Variants in HPCAL1 observed in about 807,000 individuals in gnomAD.
HPCAL1 encodes the protein hippocalcin-like protein 1.
Under a neutral mutation model 17.1 loss-of-function variants are expected in HPCAL1, and 8 were observed. That is an observed-to-expected ratio of 0.47 (90% CI 0.27 to 0.84). The LOEUF is 0.84. HPCAL1 is among the 40% of genes least tolerant of loss of function. HPCAL1 has a pLI of 0.13. For missense variants in HPCAL1, 165 were observed against 271.1 expected, an observed-to-expected ratio of 0.61 and a Z score of 2.75; for synonymous variants, 112 against 111.4, an observed-to-expected ratio of 1.01 and a Z score of -0.03.
At position 10,363,948 on chromosome 2, in the gene HPCAL1, G is replaced by C. The variant is rs569190074; in HGVS notation, c.-110-32887G>C. The stretch of plus-strand genomic sequence containing the variant: ...ACTCAGCTGGTGCTCAGGGAGGCCT[G>C]ATGATTCGGGGCGCTTGGCCGGGTG... On this transcript the variant is annotated intron_variant, in intron 1 of 4. Transcript: ENST00000307845. This position sits in a 1 kb window ranked among gnomAD's most constrained non-coding sequence, Gnocchi z 4.7. 8.5e-5 allele frequency among the ~76,000 whole-genome samples: 13 copies of C among 152,372 alleles called. No homozygotes were observed. The South Asian group carries it at 2.7e-3, about 32-fold the overall frequency.
intron 2 of HPCAL1, among the ~76,000 whole-genome samples, chr2:10,399,241 TCACCACCAC>T (rs1558517511): frequency 4.1e-4 from 5 of 12,056 alleles, no homozygotes; most frequent in East Asian, 2.7e-3. Flanking sequence ...ACCACCACCA[TCACCACCAC>T]CACCACCACC....
chr2:10,377,869 G>A lies in HPCAL1; in HGVS notation c.-110-18966G>A, dbSNP rs549651326. ...GGGGGAGGGTATTCAAGGGCGGCAA[G>A]CCACCAAGGGGACGGGGCAGGCACA... On this transcript the variant is annotated intron_variant, in intron 1 of 4. Transcript: ENST00000307845. This position sits in a 1 kb window ranked among gnomAD's most constrained non-coding sequence, Gnocchi z 5.9. Among the ~76,000 whole-genome samples, 2 of 152,330 alleles carry A rather than the reference G, an allele frequency of 1.3e-5. No homozygotes were observed. Among genetic ancestry groups the A allele is most frequent in the South Asian group, 4.1e-4 (2 of 4,822 alleles).
intron 1 of HPCAL1, among the ~76,000 whole-genome samples, chr2:10,374,475 T>A (rs983568621): frequency 1.3e-5 from 2 of 152,236 alleles, no homozygotes; most frequent in African/African-American, 4.8e-5. Context: ...GCGACAGCTG[T>A]TCCTCTTCAG....
chr2:10,315,123 C>T (rs56358754), intron 1 of HPCAL1, among the ~76,000 whole-genome samples: 2 of 151,974 alleles, frequency 1.3e-5, no homozygotes, highest in African/African-American at 4.8e-5. Context: ...AACCCCGTCT[C>T]TACTAAAAAT....
chr2:10,406,864 A>C (rs554840273), intron 2 of HPCAL1, among the ~76,000 whole-genome samples: 1 of 152,234 alleles, frequency 6.6e-6, no homozygotes, highest in East Asian at 1.9e-4. Context: ...AGGGTTCCGG[A>C]CGGAAGGGGA....
At chr2:10,337,640 G>T (rs1664797668) in intron 1 of HPCAL1, among the ~76,000 whole-genome samples, 1 of 152,180 alleles carries the variant, frequency 6.6e-6, no homozygotes, top group South Asian at 2.1e-4. Context: ...TGTGCTCTGG[G>T]CTGCACAGCT....
At chr2:10,368,790 C>G (rs1253130229) in intron 1 of HPCAL1, 2 of 152,226 alleles carry the variant, frequency 1.3e-5, no homozygotes, top group African/African-American at 4.8e-5. Context: ...ACTGAGCTTT[C>G]TCCGCAGCCT....
rs1400735008 is a variant in HPCAL1 at position 10,310,310 on chromosome 2, C to T, written c.-111+7133C>T. On this transcript the variant is annotated intron_variant, in intron 1 of 4. Transcript: ENST00000307845. The surrounding 1 kb of genome is among the most constrained non-coding windows in gnomAD (Gnocchi z 4.5). ...GTACCTAGGTGAGTCTGGCTGGTCA[C>T]GTGTGGAATAAGTGGTGGTGGCTGC... Among the ~76,000 whole-genome samples the T allele has an allele frequency of 6.6e-5, 10 of 151,950 alleles. No homozygotes were observed. The highest frequency in any genetic ancestry group is 4.6e-4 in the Admixed American group (7 of 15,224).
intron 2 of HPCAL1, among the ~76,000 whole-genome samples, chr2:10,410,014 T>G (rs1201618809): frequency 1.3e-5 from 2 of 149,420 alleles, no homozygotes; most frequent in East Asian, 3.9e-4. Context: ...GGTCTTGAAC[T>G]CCTGAGCTCA....
At chr2:10,382,907 G>A (rs978169725) in intron 1 of HPCAL1, among the ~76,000 whole-genome samples, 32 of 152,362 alleles carry the variant, frequency 2.1e-4, no homozygotes, top group East Asian at 1.2e-3. Flanking sequence ...TTGAAGCTGC[G>A]TTTCCTCGAG....
At chr2:10,402,611 G>A (rs185688110) in intron 2 of HPCAL1, among the ~76,000 whole-genome samples, 13 of 152,286 alleles carry the variant, frequency 8.5e-5, no homozygotes, top group Admixed American at 1.3e-4. Context: ...TGTGCCTAGC[G>A]TTTCAGCCGG....
At chr2:10,375,452 A>G (rs1163763933) in intron 1 of HPCAL1, among the ~76,000 whole-genome samples, 1 of 151,666 alleles carries the variant, frequency 6.6e-6, no homozygotes, top group African/African-American at 2.4e-5. Context: ...GCCGTGGGGG[A>G]GGGGGGCCAG....
Position 10,362,894 on chromosome 2 carries a change from AGGACAGTC to A in HPCAL1, c.-110-33936_-110-33929del, listed in dbSNP as rs749761755. On this transcript the variant is annotated intron_variant, in intron 1 of 4. Coordinates refer to ENST00000307845, the MANE Select transcript of HPCAL1 (RefSeq NM_002149.4). This position sits in a 1 kb window ranked among gnomAD's most constrained non-coding sequence, Gnocchi z 5.0. ...ATTCCTGAGCAGAGGGGGACCTCAG[AGGACAGTC>A]GGACTGGGGAATCCCTGGCCCAGAG... Among the ~76,000 whole-genome samples the A allele has an allele frequency of 4.6e-5, 7 of 152,216 alleles. No individual in the cohort carries two copies. Among genetic ancestry groups the A allele is most frequent in the Non-Finnish European group, 1.0e-4 (7 of 68,040 alleles).
rs112140032 is a variant in HPCAL1 at position 10,339,296 on chromosome 2, G to A, written c.-111+36119G>A. 5.7e-3 allele frequency among the ~76,000 whole-genome samples: 866 copies of A among 151,786 alleles called. 13 individuals are homozygous for A. The highest frequency in any genetic ancestry group is 0.019 in the African/African-American group (806 of 41,360). On this transcript the variant is annotated intron_variant, in intron 1 of 4. Transcript: ENST00000307845. Reference sequence around the variant, plus strand: ...GCCTCTGGAGTAGCTGGGATTACAGGTGGGCGCCACCATGCCCACCTAATT... The same window carrying A: ...GCCTCTGGAGTAGCTGGGATTACAGATGGGCGCCACCATGCCCACCTAATT...
intron 2 of HPCAL1, among the ~76,000 whole-genome samples, chr2:10,410,970 C>T (rs1339172042): frequency 1.3e-5 from 2 of 151,696 alleles, no homozygotes; most frequent in Non-Finnish European, 2.9e-5. Flanking sequence ...GCGTCGGGCC[C>T]GACAGCCTCC....
chr2:10,399,187 C>T (rs559881118), intron 2 of HPCAL1, among the ~76,000 whole-genome samples: 6 of 146,112 alleles, frequency 4.1e-5, no homozygotes, highest in Admixed American at 6.9e-5. Context: ...TTTCAGTGCA[C>T]GCACAGCAAA....
At chr2:10,397,653 G>A (rs75921737) in intron 2 of HPCAL1, among the ~76,000 whole-genome samples, 6,884 of 152,222 alleles carry the variant, frequency 0.045, 258 homozygotes, top group Non-Finnish European at 0.064. Context: ...TTTCCATCCG[G>A]AATCCTTCCT....
intron 1 of HPCAL1, among the ~76,000 whole-genome samples, chr2:10,388,390 T>C (rs1297099093): frequency 6.6e-6 from 1 of 152,192 alleles, no homozygotes; most frequent in East Asian, 1.9e-4. Context: ...CTCGGGAGGT[T>C]CCAGAATTCT....
At chr2:10,399,220 C>A (rs1370906489) in intron 2 of HPCAL1, among the ~76,000 whole-genome samples, 1 of 73,424 alleles carries the variant, frequency 1.4e-5, no homozygotes. Context: ...ACCACCACCA[C>A]CACCACCACC....
Sources: allele counts gnomAD v4.1 joint callset (sites outside exome capture counted in the v4.1 genomes callset), GRCh38; gene constraint gnomAD v4.1.1; non-coding constraint Gnocchi (gnomAD v3.1); transcripts MANE v1.5; gene names NCBI Gene and HGNC (gene_info 2026-07-23, HGNC 2026-07-21).